The following PRELID2 variants were observed in gnomAD, a reference collection of about 807,000 sequenced individuals.
PRELID2 encodes the protein PRELI domain-containing protein 2.
A neutral mutation model predicts 28.4 loss-of-function variants in PRELID2; 25 were observed. That is an observed-to-expected ratio of 0.88 (90% CI 0.64 to 1.23). PRELID2 has a LOEUF of 1.23. Among genes scored for constraint, PRELID2 ranks in the 50% most tolerant of loss-of-function variants. PRELID2 has a pLI of 0.00. For missense variants in PRELID2, 201 were observed against 214.4 expected, an observed-to-expected ratio of 0.94 and a Z score of 0.39; for synonymous variants, 76 against 71.6, an observed-to-expected ratio of 1.06 and a Z score of -0.31.
intron 1 of PRELID2, among the ~76,000 whole-genome samples, chr5:145,743,088 A>G (rs1453263674): frequency 6.6e-6 from 1 of 152,036 alleles, no homozygotes; most frequent in Non-Finnish European, 1.5e-5. Context: ...ATGACGGACT[A>G]GAAATGGGGG....
At chr5:145,304,705 A>G in the PRELID2 span, among the ~76,000 whole-genome samples, 1 of 152,142 alleles carries the variant, frequency 6.6e-6, no homozygotes, top group African/African-American at 2.4e-5. Flanking sequence ...AATTATATCA[A>G]TGCTGAGATT....
At chr5:145,833,444 G>A (rs538499456) in intron 1 of PRELID2, among the ~76,000 whole-genome samples, 1 of 152,310 alleles carries the variant, frequency 6.6e-6, no homozygotes, top group East Asian at 1.9e-4. Flanking sequence ...TTGGGTGTTG[G>A]CTGTTACTTT....
downstream of PRELID2, among the ~76,000 whole-genome samples, chr5:145,752,726 A>G (rs1174200246): frequency 2.0e-5 from 3 of 152,174 alleles, no homozygotes; most frequent in Admixed American, 6.5e-5. Context: ...GCCATTTACA[A>G]TAACTATATT....
intron 1 of PRELID2, among the ~76,000 whole-genome samples, chr5:145,522,761 A>G (rs1752574167): frequency 6.7e-6 from 1 of 150,016 alleles, no homozygotes; most frequent in African/African-American, 2.5e-5. Flanking sequence ...AAGAAAAAGG[A>G]GGAGGAGGAG....
chr5:145,574,389 G>A (rs1428822171), intron 1 of PRELID2, among the ~76,000 whole-genome samples: 5 of 152,088 alleles, frequency 3.3e-5, no homozygotes, highest in Admixed American at 1.3e-4. Context: ...AATTTGTCTT[G>A]TTATAAGCCA....
chr5:145,671,817 A>G (rs1754712757), intron 1 of PRELID2, among the ~76,000 whole-genome samples: 2 of 152,208 alleles, frequency 1.3e-5, no homozygotes. Context: ...ACAAGAAACC[A>G]GAAATCTAGT....
chr5:145,523,084 G>A (rs572155722), intron 1 of PRELID2, among the ~76,000 whole-genome samples: 1 of 152,212 alleles, frequency 6.6e-6, no homozygotes, highest in East Asian at 1.9e-4. Flanking sequence ...GATCCTTGTA[G>A]TTGGGGTAAA....
At chr5:145,485,482 T>A (rs941626558) in intron 1 of PRELID2, among the ~76,000 whole-genome samples, 1 of 152,224 alleles carries the variant, frequency 6.6e-6, no homozygotes, top group Non-Finnish European at 1.5e-5. Context: ...TGAGTGCATG[T>A]ATGTAGAGCG....
chr5:145,736,344 G>A (rs1480763538), intron 1 of PRELID2, among the ~76,000 whole-genome samples: 3 of 151,974 alleles, frequency 2.0e-5, no homozygotes, highest in African/African-American at 4.8e-5. Flanking sequence ...TTGTCAGAAT[G>A]ATGAGGAATC....
At chr5:145,428,699 C>G in the PRELID2 span, among the ~76,000 whole-genome samples, 1 of 152,154 alleles carries the variant, frequency 6.6e-6, no homozygotes, top group African/African-American at 2.4e-5. Context: ...TAATGAAAAA[C>G]AGAGTGAGAT....
chr5:145,421,129 T>G, the PRELID2 span, among the ~76,000 whole-genome samples: 3 of 151,838 alleles, frequency 2.0e-5, no homozygotes, highest in East Asian at 1.9e-4. Flanking sequence ...GCTGGATTCG[T>G]TTTGCTAGTA....
intron 1 of PRELID2, among the ~76,000 whole-genome samples, chr5:145,589,108 C>A (rs915835279): frequency 1.3e-5 from 2 of 152,052 alleles, no homozygotes; most frequent in African/African-American, 4.8e-5. Flanking sequence ...CACAAAATAC[C>A]TACTGCACAA....
intron 1 of PRELID2, among the ~76,000 whole-genome samples, chr5:145,662,819 G>C (rs1754520405): frequency 6.6e-6 from 1 of 151,966 alleles, no homozygotes; most frequent in South Asian, 2.1e-4. Flanking sequence ...CTCACCCTTT[G>C]ACTTCTCAGC....
At chr5:145,667,934 G>A (rs1378076007) in intron 1 of PRELID2, among the ~76,000 whole-genome samples, 1 of 152,052 alleles carries the variant, frequency 6.6e-6, no homozygotes, top group East Asian at 1.9e-4. Flanking sequence ...GTCACCCAGT[G>A]AGTTCGGGTA....
the PRELID2 span, among the ~76,000 whole-genome samples, chr5:145,444,095 C>T: frequency 4.9e-4 from 75 of 151,954 alleles, 1 homozygote; most frequent in African/African-American, 2.4e-5. Flanking sequence ...TTTTCATATC[C>T]TATTTAGGAG....
the PRELID2 span, among the ~76,000 whole-genome samples, chr5:145,388,227 A>G: frequency 6.6e-6 from 1 of 152,154 alleles, no homozygotes; most frequent in African/African-American, 2.4e-5. Context: ...GTATGCTAGT[A>G]TTATCTATTT....
At chr5:145,569,947 C>T (rs901689604) in intron 1 of PRELID2, among the ~76,000 whole-genome samples, 2 of 151,946 alleles carry the variant, frequency 1.3e-5, no homozygotes, top group Admixed American at 6.6e-5. Context: ...GAAATGTATT[C>T]CCTCACAATT....
the PRELID2 span, among the ~76,000 whole-genome samples, chr5:145,371,544 T>C: frequency 3.9e-5 from 6 of 152,114 alleles, no homozygotes; most frequent in Non-Finnish European, 8.8e-5. Context: ...CATACCAATG[T>C]TCATCAGGAA....
At chr5:145,530,750 C>T (rs1752648401) in intron 1 of PRELID2, among the ~76,000 whole-genome samples, 1 of 151,946 alleles carries the variant, frequency 6.6e-6, no homozygotes, top group African/African-American at 2.4e-5. Flanking sequence ...TTAGAAAAAG[C>T]CTTCTGGAGG....
Sources: gnomAD v4.1 joint callset for allele counts (sites outside exome capture counted in the v4.1 genomes callset) on GRCh38, gnomAD v4.1.1 for gene constraint, MANE v1.5 for transcripts, NCBI Gene and HGNC (gene_info 2026-07-23, HGNC 2026-07-21) for gene names.